RNF6: variants seen among roughly 807,000 people sequenced by gnomAD.
The protein encoded by RNF6 is E3 ubiquitin-protein ligase RNF6.
Under a neutral mutation model 50.1 loss-of-function variants are expected in RNF6, and 21 were observed. The observed-to-expected ratio is 0.42, with a 90% CI of 0.30 to 0.60. The LOEUF (loss-of-function observed/expected upper bound fraction) is 0.60, where lower values mean the gene tolerates loss of function less well. Ranked by LOEUF, RNF6 falls within the 20% of genes least tolerant of loss-of-function variation. RNF6 has a pLI of 0.20. For synonymous variants in RNF6, 255 were observed against 291.8 expected (o/e 0.87, Z 1.29); for missense variants, 698 against 838.2 (o/e 0.83, Z 2.07).
chr13:26,199,185 T>G (rs1868798220), intron 5 of RNF6, among the ~76,000 whole-genome samples: 1 of 152,048 alleles, frequency 6.6e-6, no homozygotes, highest in South Asian at 2.1e-4. Flanking sequence ...TAGAATGACA[T>G]AAGAATGACA....
At chr13:26,177,019 CAG>C (rs1290056253) in intron 5 of RNF6, among the ~76,000 whole-genome samples, 1 of 152,122 alleles carries the variant, frequency 6.6e-6, no homozygotes, top group Non-Finnish European at 1.5e-5. Context: ...ATGACAGCAA[CAG>C]ATATTAGACT....
intron 5 of RNF6, among the ~76,000 whole-genome samples, chr13:26,184,018 A>ATATATATATTTTTTTTT (rs1335766541): frequency 2.9e-5 from 1 of 33,942 alleles, no homozygotes; most frequent in African/African-American, 9.3e-5. Flanking sequence ...ATATATATAT[A>ATATATATATTTTTTTTT]TTTTTTTTTT....
chr13:26,222,118 C>G lies in RNF6; in HGVS notation c.-217G>C, dbSNP rs1016282535. ...GCGGGATAGGCTTGCCGCCGCGCCT[C>G]CGGAGCCCGCTGTGCCCTCGAATTG... is the stretch of plus-strand genomic sequence containing the variant. On this transcript the variant is annotated 5_prime_UTR_variant, in exon 1 of 5. Transcript: ENST00000381588. 1 of 152,452 alleles carries G rather than the reference C, an allele frequency of 6.6e-6. No homozygotes were observed. The highest frequency in any genetic ancestry group is 1.5e-5 in the Non-Finnish European group (1 of 68,236). 9.4% of individuals were successfully genotyped at this position (152,452 alleles called of 1,614,324 possible).
In RNF6 at chr13:26,215,464, T is replaced by C. The variant is rs1869775189; in HGVS notation, c.418A>G (p.Thr140Ala). The stretch of plus-strand genomic sequence containing the variant: ...CGAAACTCTCCATTGTTCGGGTTTG[T>C]TCGACTCACAGCTCTCCAAGTTTGG... ...GNQTWRAVSR[T>A]NPNNGEFRFS... is the part of the protein sequence containing the mutation. The change falls in exon 5 of 5, where the codon ACA (threonine) becomes GCA (alanine). Residue 140 changes from threonine to alanine, a missense_variant. Coordinates refer to ENST00000381588, the MANE Select transcript of RNF6 (RefSeq NM_005977.4). The C allele has an allele frequency of 1.9e-6, 3 of 1,614,216 alleles. No homozygotes were observed. The highest frequency in any genetic ancestry group is 1.1e-5 in the South Asian group (1 of 91,078).
At chr13:26,141,247 G>T (rs992648818) in intron 5 of RNF6, among the ~76,000 whole-genome samples, 1 of 151,954 alleles carries the variant, frequency 6.6e-6, no homozygotes, top group African/African-American at 2.4e-5. Context: ...CTGGCCAACA[G>T]TGATACCCCA....
intron 5 of RNF6, among the ~76,000 whole-genome samples, chr13:26,134,809 T>C (rs940081656): frequency 6.6e-6 from 1 of 152,196 alleles, no homozygotes; most frequent in Admixed American, 6.5e-5. Context: ...CACCAAACTA[T>C]TAAAATAATT....
At chr13:26,170,041 G>T (rs1872621219) in intron 5 of RNF6, among the ~76,000 whole-genome samples, 2 of 152,064 alleles carry the variant, frequency 1.3e-5, no homozygotes, top group South Asian at 4.1e-4. Context: ...AGTGAGTTTT[G>T]TTTGTTTTTG....
At chr13:26,167,572 A>G (rs1286276256) in intron 5 of RNF6, among the ~76,000 whole-genome samples, 1 of 152,256 alleles carries the variant, frequency 6.6e-6, no homozygotes, top group African/African-American at 2.4e-5. Flanking sequence ...AAGGTTGCAG[A>G]GAAAAAGGAA....
rs1335766541 is a variant in RNF6 at position 26,184,018 on chromosome 13, A to ATATATTTTTT, written n.768+31455_768+31456insAAAAAATATA. Reference sequence around the variant, plus strand: ...TATATATATATATATATATATATATATTTTTTTTTTTTTTTTTTTTTTTTT... The same window carrying ATATATTTTTT: ...TATATATATATATATATATATATATATATATTTTTTTTTTTTTTTTTTTTTTTTTTTTTTT... On this transcript the variant is annotated intron_variant and non_coding_transcript_variant, in intron 5 of 5. Transcript: ENST00000468480. Among the ~76,000 whole-genome samples the ATATATTTTTT allele has an allele frequency of 1.5e-4, 5 of 33,940 alleles. 1 individual carries two copies. The highest frequency in any genetic ancestry group is 4.6e-4 in the African/African-American group (5 of 10,756). 22.3% of individuals were successfully genotyped at this position (33,940 alleles called of 152,430 possible).
intron 5 of RNF6, among the ~76,000 whole-genome samples, chr13:26,186,897 C>G (rs1331896029): frequency 2.0e-5 from 3 of 152,152 alleles, no homozygotes; most frequent in African/African-American, 7.2e-5. Context: ...CCTGCCTCAG[C>G]CTCCCGAGTA....
intron 5 of RNF6, among the ~76,000 whole-genome samples, chr13:26,179,601 T>G (rs1873136686): frequency 6.6e-6 from 1 of 152,188 alleles, no homozygotes; most frequent in African/African-American, 2.4e-5. Flanking sequence ...TCTATTCTTA[T>G]GAGAACTGTA....
intron 5 of RNF6, among the ~76,000 whole-genome samples, chr13:26,189,737 T>A (rs1417261905): frequency 1.3e-5 from 2 of 152,176 alleles, no homozygotes; most frequent in African/African-American, 4.8e-5. Context: ...AGATAGAGAT[T>A]TCACAGTCTG....
chr13:26,181,209 C>T (rs1007569465), intron 5 of RNF6, among the ~76,000 whole-genome samples: 3 of 152,192 alleles, frequency 2.0e-5, no homozygotes, highest in Non-Finnish European at 2.9e-5. Context: ...GAAAGCATGG[C>T]TTCCAGATTA....
At chr13:26,196,135 G>C (rs966215846) in intron 5 of RNF6, among the ~76,000 whole-genome samples, 1 of 152,114 alleles carries the variant, frequency 6.6e-6, no homozygotes, top group African/African-American at 2.4e-5. Flanking sequence ...TAAAACTATA[G>C]CTTGGGACAT....
Position 26,214,575 on chromosome 13 carries a change from C to T in RNF6, c.1307G>A (p.Ser436Asn). The change falls in exon 5 of 5, where the codon AGC becomes AAC. Residue 436 changes from serine to asparagine, a missense_variant. Coordinates refer to ENST00000381588, the MANE Select transcript of RNF6 (RefSeq NM_005977.4). ...GGTTCGGCGAAAGCCCCCACTATTGCTTTCAATAGTGACTGTATTTTCTGC... is the reference window on the plus strand; with the variant it reads ...GGTTCGGCGAAAGCCCCCACTATTGTTTTCAATAGTGACTGTATTTTCTGC... ...GLAENTVTIE[S>N]NSGGFRRTIS... The T allele has an allele frequency of 6.2e-7, 1 of 1,614,202 alleles. No individual in the cohort carries two copies. The highest frequency in any genetic ancestry group is 8.5e-7 in the Non-Finnish European group (1 of 1,180,044).
chr13:26,137,902 G>A (rs2137547636), intron 5 of RNF6, among the ~76,000 whole-genome samples: 2 of 152,020 alleles, frequency 1.3e-5, no homozygotes, highest in Middle Eastern at 6.8e-3. Flanking sequence ...AAATCCTAGA[G>A]GAAAGGAGGA....
chr13:26,205,548 T>C lies in RNF6; in HGVS notation n.768+9926A>G, dbSNP rs889574412. On this transcript the variant is annotated intron_variant and non_coding_transcript_variant, in intron 5 of 5. Coordinates refer to the RNF6 transcript ENST00000468480. ...CTCTCAGCATACTCCGTGGTCAAGA[T>C]AGTGAAACCTTGCTTTTCACCTGAA... Among the ~76,000 whole-genome samples the C allele has an allele frequency of 3.3e-5, 5 of 152,334 alleles. No homozygotes were observed. The East Asian group carries it at 9.7e-4, about 29-fold the overall frequency.
intron 5 of RNF6, chr13:26,154,058 C>T (rs761439245): frequency 1.6e-4 from 25 of 152,136 alleles, no homozygotes; most frequent in African/African-American, 2.9e-4. Flanking sequence ...AATCTAATAA[C>T]GTGTTCAAAA....
In RNF6 at chr13:26,161,149, C is replaced by T. The variant is rs577005802; in HGVS notation, n.769-28698G>A. Reference sequence around the variant, plus strand: ...TTTAAATCTCATAATAAAAGTGAATCTATTTGTGTTTTCTCCACTTTGTCC... The same window carrying T: ...TTTAAATCTCATAATAAAAGTGAATTTATTTGTGTTTTCTCCACTTTGTCC... On this transcript the variant is annotated intron_variant and non_coding_transcript_variant, in intron 5 of 5. Transcript: ENST00000468480. 6.0e-4 allele frequency among the ~76,000 whole-genome samples: 91 copies of T among 152,254 alleles called. 1 individual carries two copies. The highest frequency in any genetic ancestry group is 2.1e-3 in the African/African-American group (88 of 41,552).
Sources: gnomAD v4.1 joint callset for allele counts (sites outside exome capture counted in the v4.1 genomes callset) on GRCh38, gnomAD v4.1.1 for gene constraint, MANE v1.5 for transcripts, NCBI Gene and HGNC (gene_info 2026-07-23, HGNC 2026-07-21) for gene names.